The following ATP13A4 variants were observed in gnomAD, a reference collection of about 807,000 sequenced individuals.
ATP13A4 encodes probable cation-transporting ATPase 13A4.
In ATP13A4, 114 loss-of-function variants were observed where a neutral mutation model predicts 142.5. The ratio of observed to expected loss-of-function variants is 0.80; its 90% CI spans 0.69 to 0.93. The LOEUF (loss-of-function observed/expected upper bound fraction) is 0.93, where lower values mean the gene tolerates loss of function less well. ATP13A4 is among the 40% of genes least tolerant of loss of function. ATP13A4 has a pLI of 0.00. For missense variants in ATP13A4, 1,392 were observed against 1,454.0 expected, an observed-to-expected ratio of 0.96 and a Z score of 0.69; for synonymous variants, 488 against 514.8, an observed-to-expected ratio of 0.95 and a Z score of 0.70.
chr3:193,440,416 A>G, intron 21 of ATP13A4, 142 bp downstream of exon 21: 2 of 1,467,598 alleles, frequency 1.4e-6, no homozygotes, highest in Non-Finnish European at 1.8e-6. Context: ...ATTTTCTCCA[A>G]AGCTCCCAAG....
In ATP13A4 at chr3:193,580,837, T is replaced by G. The variant is rs116783694; in HGVS notation, n.291+870A>C. 2.8e-3 allele frequency among the ~76,000 whole-genome samples: 429 copies of G among 152,230 alleles called. 3 individuals carry two copies. Among genetic ancestry groups the G allele is most frequent in the African/African-American group, 9.9e-3 (410 of 41,550 alleles). ...AAACTTCAAAACAGAAAGAAAAAACTAAATTGCAAAAGCTTTTAATGATGG... is the reference window on the plus strand; with the variant it reads ...AAACTTCAAAACAGAAAGAAAAAACGAAATTGCAAAAGCTTTTAATGATGG... On this transcript the variant is annotated intron_variant and non_coding_transcript_variant, in intron 2 of 3. Transcript: ENST00000489140.
intron 14 of ATP13A4, chr3:193,458,493 T>G (rs1717769322): frequency 6.2e-6 from 1 of 160,684 alleles, no homozygotes; most frequent in Admixed American, 5.8e-5. Flanking sequence ...AGCAGTCAGT[T>G]AGAGCAGAGA....
At chr3:193,493,956 A>T (rs899699286) in intron 3 of ATP13A4, among the ~76,000 whole-genome samples, 2 of 152,148 alleles carry the variant, frequency 1.3e-5, no homozygotes, top group African/African-American at 2.4e-5. Flanking sequence ...AAGACATTCC[A>T]TGAAAATGGA....
At chr3:193,540,123 A>G (rs939770811) in intron 1 of ATP13A4, among the ~76,000 whole-genome samples, 1 of 152,106 alleles carries the variant, frequency 6.6e-6, no homozygotes, top group Non-Finnish European at 1.5e-5. Context: ...TTTATTCCTC[A>G]TAGGGTAGGA....
intron 29 of ATP13A4, chr3:193,404,190 G>A (rs1714381082): frequency 3.1e-6 from 3 of 980,958 alleles, no homozygotes; most frequent in Non-Finnish European, 3.6e-6. Context: ...GGAGCATCGA[G>A]TAAAGGTTTT....
Position 193,462,703 on chromosome 3 carries a change from C to T in ATP13A4, c.1523+59G>A, listed in dbSNP as rs376678390. ...CCATTCTTAATTTCAAGAGAAAACA[C>T]GGAATTTTGGAAAAAGAGACACTAG... is the stretch of plus-strand genomic sequence containing the variant. On this transcript the variant is annotated intron_variant, in intron 13 of 29. Transcript: ENST00000342695. 7.9e-5 allele frequency: 120 copies of T among 1,511,832 alleles called. 1 individual carries two copies. In the African/African-American group the frequency reaches 1.3e-3, roughly 16 times the overall value. The allele number at this position is 1,511,832 out of a possible 1,614,324, so 93.7% of individuals were successfully genotyped here. A position where few individuals can be genotyped will look rare whatever the true frequency, so the allele number is the denominator to read the frequency against.
chr3:193,402,838 C>T lies in ATP13A4; in HGVS notation c.3405G>A (p.Leu1135=), dbSNP rs61733355. ...AEEAVIENRA[L]WMMIKRCFGY... is the part of the protein sequence containing the mutation. ...CGAAACATCTTTTAATCATCATCCA[C>T]AGGGCTCGATTTTCAATAACAGCCT... is the stretch of plus-strand genomic sequence containing the variant. Residue 1135 remains leucine, a synonymous_variant, in exon 30 of 30, where the codon CTG becomes CTA. Transcript: ENST00000342695. 4,226 of 1,614,038 alleles carry T rather than the reference C, an allele frequency of 2.6e-3. 89 individuals are homozygous for T. The African/African-American group carries it at 0.051, about 20-fold the overall frequency.
intron 1 of ATP13A4, among the ~76,000 whole-genome samples, chr3:193,592,073 A>C (rs990276717): frequency 7.1e-6 from 1 of 139,864 alleles, no homozygotes; most frequent in Non-Finnish European, 1.5e-5. Flanking sequence ...CAGACTTATG[A>C]TTCTGACAAT....
At chr3:193,431,202 A>T (rs866564136) in intron 25 of ATP13A4, among the ~76,000 whole-genome samples, 1 of 152,134 alleles carries the variant, frequency 6.6e-6, no homozygotes. Flanking sequence ...TGTTTCACTG[A>T]TGTATTATTC....
At chr3:193,585,413 T>C (rs1245611304) in intron 1 of ATP13A4, among the ~76,000 whole-genome samples, 3 of 151,990 alleles carry the variant, frequency 2.0e-5, no homozygotes, top group African/African-American at 7.3e-5. Flanking sequence ...AGAGCAAAGC[T>C]CTGTCTCAAA....
In ATP13A4 at chr3:193,436,706, C is replaced by T. The variant is rs563704661; in HGVS notation, c.2673-962G>A. Among the ~76,000 whole-genome samples the T allele has an allele frequency of 1.2e-4, 18 of 151,596 alleles. No individual in the cohort carries two copies. In the East Asian group the frequency reaches 2.6e-3, roughly 22 times the overall value. On this transcript the variant is annotated intron_variant, in intron 23 of 29. Coordinates refer to ENST00000342695, the MANE Select transcript of ATP13A4 (RefSeq NM_032279.4). ...ACCTCAAGTGATCCACCCACCTCGG[C>T]CTCCCAAAGTGTTGGGATTACAGCC...
At chr3:193,429,461 T>C (rs1465712392) in intron 25 of ATP13A4, among the ~76,000 whole-genome samples, 1 of 152,126 alleles carries the variant, frequency 6.6e-6, no homozygotes, top group African/African-American at 2.4e-5. Flanking sequence ...ATTATTCAGC[T>C]ATAAAAACGA....
chr3:193,586,263 T>C (rs1724668273), intron 1 of ATP13A4, among the ~76,000 whole-genome samples: 1 of 152,208 alleles, frequency 6.6e-6, no homozygotes, highest in Non-Finnish European at 1.5e-5. Flanking sequence ...TCTAAAAATA[T>C]TTTCTTCCAA....
At chr3:193,406,231 C>A (rs926222423) in intron 29 of ATP13A4, among the ~76,000 whole-genome samples, 1 of 152,140 alleles carries the variant, frequency 6.6e-6, no homozygotes, top group Non-Finnish European at 1.5e-5. Flanking sequence ...GAGAGAAGTT[C>A]CAGTACTGAA....
chr3:193,534,882 C>T (rs965798930), intron 1 of ATP13A4, among the ~76,000 whole-genome samples: 1 of 151,880 alleles, frequency 6.6e-6, no homozygotes, highest in Non-Finnish European at 1.5e-5. Context: ...GATGAGTCAA[C>T]CCCAAACAGA....
chr3:193,476,034 A>G (rs1718945140), intron 8 of ATP13A4, among the ~76,000 whole-genome samples: 1 of 152,064 alleles, frequency 6.6e-6, no homozygotes, highest in African/African-American at 2.4e-5. Context: ...TAAAAAGCCC[A>G]TAGTGCTAAA....
intron 3 of ATP13A4, among the ~76,000 whole-genome samples, chr3:193,497,654 T>C (rs1003678174): frequency 2.0e-5 from 3 of 152,148 alleles, no homozygotes; most frequent in African/African-American, 4.8e-5. Context: ...AACCAAGATA[T>C]GGAATTAACC....
intron 7 of ATP13A4, among the ~76,000 whole-genome samples, chr3:193,485,508 G>A (rs1719557886): frequency 6.6e-6 from 1 of 152,038 alleles, no homozygotes; most frequent in African/African-American, 2.4e-5. Context: ...GAGGCTGAGT[G>A]GTGTTTAATA....
At chr3:193,555,000 C>CT, upstream of ATP13A4, 2 of 1,369,978 alleles carry the variant, frequency 1.5e-6, no homozygotes, top group Non-Finnish European at 2.0e-6. Context: ...GAGTCGCCCT[C>CT]TGCTAGGAGG....
Sources: allele counts gnomAD v4.1 joint callset (sites outside exome capture counted in the v4.1 genomes callset), GRCh38; gene constraint gnomAD v4.1.1; transcripts MANE v1.5; gene names NCBI Gene and HGNC (gene_info 2026-07-23, HGNC 2026-07-21).